The following INPP5B variants were observed in gnomAD, a reference collection of about 807,000 sequenced individuals.
INPP5B encodes inositol polyphosphate-5-phosphatase B.
INPP5B carries 90 observed loss-of-function variants against 118.5 expected under a neutral mutation model. The ratio of observed to expected loss-of-function variants is 0.76; its 90% CI spans 0.64 to 0.90. The LOEUF is 0.90. INPP5B is among the 40% of genes least tolerant of loss of function. INPP5B has a pLI of 0.00. For synonymous variants in INPP5B, 385 were observed against 418.9 expected (o/e 0.92, Z 0.99); for missense variants, 984 against 1,125.6 (o/e 0.87, Z 1.80).
At chr1:37,878,101 G>A in intron 16 of INPP5B, 87 bp downstream of exon 16, 1 of 1,490,384 alleles carries the variant, frequency 6.7e-7, no homozygotes, top group Non-Finnish European at 9.2e-7. Flanking sequence ...AAAAGGAGAG[G>A]AAGAAACCAG....
chr1:37,901,490 C>CT (rs1316758941), intron 7 of INPP5B, among the ~76,000 whole-genome samples: 1 of 152,172 alleles, frequency 6.6e-6, no homozygotes. Flanking sequence ...CAGGATGTTT[C>CT]TTTAGGTACT....
intron 8 of INPP5B, among the ~76,000 whole-genome samples, chr1:37,890,046 C>T (rs145227707): frequency 1.3e-5 from 2 of 152,278 alleles, no homozygotes; most frequent in East Asian, 1.9e-4. Context: ...TAACGCCTCA[C>T]CCACATGAAT....
intron 23 of INPP5B, 42 bp downstream of exon 23, chr1:37,864,270 T>C: frequency 9.0e-7 from 1 of 1,108,286 alleles, no homozygotes; most frequent in Non-Finnish European, 1.4e-6. Flanking sequence ...TACGAGTCTC[T>C]CAGTTTGCAG....
chr1:37,868,987 A>AT (rs988250722), intron 19 of INPP5B, among the ~76,000 whole-genome samples: 17 of 150,970 alleles, frequency 1.1e-4, no homozygotes, highest in South Asian at 4.2e-4. Flanking sequence ...ATTTTCTTTT[A>AT]TTTTTTTTTA....
intron 15 of INPP5B, among the ~76,000 whole-genome samples, chr1:37,878,902 G>T (rs1471890085): frequency 6.7e-6 from 1 of 149,574 alleles, no homozygotes; most frequent in Non-Finnish European, 1.5e-5. Context: ...TGCCCGCCTC[G>T]GCCTCCCAAA....
chr1:37,869,701 C>T (rs1642288557), intron 19 of INPP5B, among the ~76,000 whole-genome samples: 1 of 150,886 alleles, frequency 6.6e-6, no homozygotes, highest in African/African-American at 2.4e-5. Context: ...AGGCTGGTCT[C>T]AAACTTCTGA....
Position 37,946,351 on chromosome 1 carries a change from A to G in INPP5B, c.-26-17T>C, listed in dbSNP as rs1646111545. ...GCACACACCCTGTGGGAGGGGAGAT[A>G]GGAGCCCCGCTTTGGTCAACAAGTT... On this transcript the variant is annotated splice_polypyrimidine_tract_variant and intron_variant, in intron 1 of 23. Coordinates refer to ENST00000373024, the MANE Select transcript of INPP5B (RefSeq NM_005540.3). 6.3e-7 allele frequency: 1 copy of G among 1,584,278 alleles called. No homozygotes were observed. The highest frequency in any genetic ancestry group is 1.3e-5 in the African/African-American group (1 of 74,314).
rs74067338 is a variant in INPP5B, at chr1:37,866,404, T to A, written c.2386+55A>T. 2,280 of 361,956 alleles carry A rather than the reference T, an allele frequency of 6.3e-3. 1 individual carries two copies. The highest frequency in any genetic ancestry group is 8.2e-3 in the East Asian group (142 of 17,396). 22.4% of individuals were successfully genotyped at this position (361,956 alleles called of 1,614,324 possible). ...CTCATATTCTCTCTCTCTCTCTCTC[T>A]CTCACACACACACACACACACACAC... On this transcript the variant is annotated intron_variant, in intron 21 of 23. Transcript: ENST00000373024.
intron 7 of INPP5B, among the ~76,000 whole-genome samples, chr1:37,894,782 A>C (rs915897384): frequency 6.6e-6 from 1 of 152,106 alleles, no homozygotes; most frequent in African/African-American, 2.4e-5. Context: ...GCTGGTCTCA[A>C]ACTCCTGACG....
intron 16 of INPP5B, 77 bp from the exon 17 acceptor site, chr1:37,875,793 G>C: frequency 2.0e-6 from 2 of 1,001,210 alleles, no homozygotes; most frequent in South Asian, 2.7e-5. Context: ...GGCATTCACA[G>C]CACTGGGAAA....
At chr1:37,878,135 G>A (rs1328600167) in intron 16 of INPP5B, 53 bp downstream of exon 16, 1 of 1,590,048 alleles carries the variant, frequency 6.3e-7, no homozygotes, top group Non-Finnish European at 8.6e-7. Flanking sequence ...GGTCTTAGTT[G>A]TGAAAGCCAA....
At chr1:37,944,110 C>T (rs1266051645) in intron 3 of INPP5B, among the ~76,000 whole-genome samples, 1 of 152,210 alleles carries the variant, frequency 6.6e-6, no homozygotes, top group African/African-American at 2.4e-5. Flanking sequence ...TTCTCATCTG[C>T]AGGAGCCCCT....
At chr1:37,882,242 AAAG>A (rs1470711004) in intron 14 of INPP5B, among the ~76,000 whole-genome samples, 1 of 152,246 alleles carries the variant, frequency 6.6e-6, no homozygotes, top group East Asian at 1.9e-4. Flanking sequence ...AAATCTACTG[AAAG>A]AAGTAGCCAG....
chr1:37,942,507 A>C (rs958262191), intron 5 of INPP5B, among the ~76,000 whole-genome samples: 1 of 151,792 alleles, frequency 6.6e-6, no homozygotes, highest in Non-Finnish European at 1.5e-5. Flanking sequence ...ATAATCATTA[A>C]CTCATTATTT....
At chr1:37,919,597 T>C (rs193289826) in intron 7 of INPP5B, among the ~76,000 whole-genome samples, 4 of 152,244 alleles carry the variant, frequency 2.6e-5, no homozygotes, top group East Asian at 3.9e-4. Flanking sequence ...TCAGGCTCTG[T>C]TGATGATGAC....
At chr1:37,896,586 C>T (rs1226353508) in intron 7 of INPP5B, among the ~76,000 whole-genome samples, 12 of 144,532 alleles carry the variant, frequency 8.3e-5, no homozygotes, top group Non-Finnish European at 1.4e-4. Flanking sequence ...CCGCTCCGTC[C>T]GGGAAGGAGG....
intron 7 of INPP5B, chr1:37,931,525 A>G: frequency 6.5e-7 from 1 of 1,535,542 alleles, no homozygotes. Context: ...CTTCTGCCCC[A>G]GTGTCCCAGC....
chr1:37,875,740 G>A (rs756605437), intron 16 of INPP5B, 24 bp from the exon 17 acceptor site: 1 of 1,562,776 alleles, frequency 6.4e-7, no homozygotes, highest in Non-Finnish European at 8.8e-7. Flanking sequence ...ATCAGAGACT[G>A]AGTACCTTGG....
Position 37,915,689 on chromosome 1 carries a change from G to A in INPP5B, c.532+16224C>T, listed in dbSNP as rs536726636. Among the ~76,000 whole-genome samples the A allele has an allele frequency of 2.0e-5, 3 of 152,172 alleles. 1 individual carries two copies. The South Asian group carries it at 6.2e-4, about 32-fold the overall frequency. ...CACAGACACATGGAAAGTCTGGAAG[G>A]GTGCACAGCAAAATGTTAACAGTAG... On this transcript the variant is annotated intron_variant, in intron 7 of 23. Transcript: ENST00000373024.
Sources: allele counts gnomAD v4.1 joint callset (sites outside exome capture counted in the v4.1 genomes callset), GRCh38; gene constraint gnomAD v4.1.1; transcripts MANE v1.5; gene names NCBI Gene and HGNC (gene_info 2026-07-23, HGNC 2026-07-21).